The following PRKDC variants were observed in gnomAD, a reference collection of about 807,000 sequenced individuals.
The protein encoded by PRKDC is protein kinase, DNA-activated, catalytic subunit, also known as DNA-dependent protein kinase catalytic subunit.
A neutral mutation model predicts 486.9 loss-of-function variants in PRKDC; 82 were observed. The observed-to-expected ratio is 0.17, with a 90% CI of 0.14 to 0.20. The LOEUF (loss-of-function observed/expected upper bound fraction) is 0.20. Among genes scored for constraint, PRKDC ranks in the 10% least tolerant of loss-of-function variants. The probability of loss-of-function intolerance (pLI) is 1.00; values close to 1 mark genes in which losing one functional copy is unlikely to be tolerated. For synonymous variants in PRKDC, 1,895 were observed against 1,837.0 expected (o/e 1.03, Z -0.81); for missense variants, 4,504 against 5,038.2 (o/e 0.89, Z 3.21).
intron 68 of PRKDC, among the ~76,000 whole-genome samples, chr8:47,811,605 TTA>T (rs1322292477): frequency 2.0e-5 from 3 of 152,218 alleles, no homozygotes; most frequent in African/African-American, 7.2e-5. Context: ...GGTGTTTTCA[TTA>T]TATGTTACTT....
chr8:47,821,251 T>C (rs940773965), intron 65 of PRKDC, among the ~76,000 whole-genome samples: 1 of 152,100 alleles, frequency 6.6e-6, no homozygotes, highest in Non-Finnish European at 1.5e-5. Flanking sequence ...ATAGGTATGG[T>C]GTGGAGAAAA....
rs1244988969 is a variant in PRKDC at position 47,827,614 on chromosome 8, T to C, written c.8577+554A>G. On this transcript the variant is annotated intron_variant, in intron 62 of 85. Coordinates refer to ENST00000314191, the MANE Select transcript of PRKDC (RefSeq NM_006904.7). Reference sequence around the variant, plus strand: ...AAGAGGCACCTGCTTACCTGCTTCATTACTATCTTACACTGCTTTAACACT... The same window carrying C: ...AAGAGGCACCTGCTTACCTGCTTCACTACTATCTTACACTGCTTTAACACT... 4.6e-5 allele frequency among the ~76,000 whole-genome samples: 7 copies of C among 152,242 alleles called. No individual in the cohort carries two copies. In the East Asian group the frequency reaches 7.7e-4, roughly 17 times the overall value.
intron 4 of PRKDC, among the ~76,000 whole-genome samples, chr8:47,954,658 G>A (rs1262813401): frequency 1.3e-5 from 2 of 152,174 alleles, no homozygotes; most frequent in Non-Finnish European, 2.9e-5. Flanking sequence ...GGAATTAGAG[G>A]TTGAGATGGG....
At chr8:47,931,088 T>C (rs2090243089) in intron 16 of PRKDC, among the ~76,000 whole-genome samples, 1 of 152,230 alleles carries the variant, frequency 6.6e-6, no homozygotes, top group Non-Finnish European at 1.5e-5. Flanking sequence ...GATAGAATTT[T>C]AATAGGTGAC....
chr8:47,929,854 T>A lies in PRKDC; in HGVS notation c.2051A>T (p.Glu684Val), dbSNP rs748937634. The change falls in exon 18 of 86, where the codon GAG becomes GTG. Residue 684 changes from glutamate (E) to valine (V), a missense_variant and splice_region_variant. Glu to Val is a moderately radical substitution (Grantham distance 121, BLOSUM62 -2). Transcript: ENST00000314191. ...CAACATCCTGCAAGAAAGACTCACC[T>A]CGAAATATTTTATTTTCTTGGCATT... ...VRNAKKIKYF[E>V]GVSPKSLKHS... 1.3e-6 allele frequency: 2 copies of A among 1,596,162 alleles called. No homozygotes were observed. The highest frequency in any genetic ancestry group is 2.3e-5 in the South Asian group (2 of 85,750).
intron 31 of PRKDC, among the ~76,000 whole-genome samples, chr8:47,891,128 T>G (rs966126905): frequency 9.9e-5 from 15 of 152,112 alleles, no homozygotes; most frequent in African/African-American, 3.6e-4. Context: ...TCATCAGGAC[T>G]CTCCTGCTTA....
At chr8:47,953,995 A>G in intron 5 of PRKDC, 76 bp from the exon 6 acceptor site, 1 of 755,032 alleles carries the variant, frequency 1.3e-6, no homozygotes, top group East Asian at 2.8e-5. Context: ...ATGTATGAAG[A>G]AAATAAAATA....
intron 41 of PRKDC, among the ~76,000 whole-genome samples, chr8:47,864,083 T>G (rs977534216): frequency 2.6e-5 from 4 of 152,136 alleles, no homozygotes; most frequent in Admixed American, 2.6e-4. Flanking sequence ...GGCCTTGTGA[T>G]GAGGAGATTA....
chr8:47,814,304 A>G (rs1465761538), intron 68 of PRKDC, among the ~76,000 whole-genome samples: 1 of 152,246 alleles, frequency 6.6e-6, no homozygotes, highest in Non-Finnish European at 1.5e-5. Flanking sequence ...AACATCAGGA[A>G]TAAAACTAAG....
intron 4 of PRKDC, among the ~76,000 whole-genome samples, chr8:47,955,188 C>T (rs1216843204): frequency 7.6e-5 from 11 of 144,540 alleles, no homozygotes; most frequent in African/African-American, 1.0e-4. Flanking sequence ...ATGGGCCGGG[C>T]GCGGTGGCTC....
chr8:47,930,884 C>T (rs903438262), intron 16 of PRKDC, 97 bp from the exon 17 acceptor site: 1 of 1,192,222 alleles, frequency 8.4e-7, no homozygotes, highest in East Asian at 2.6e-5. Context: ...AGGCCTGATG[C>T]TACGAAGAAA....
At chr8:47,827,289 A>T (rs2087761458) in intron 62 of PRKDC, among the ~76,000 whole-genome samples, 1 of 152,192 alleles carries the variant, frequency 6.6e-6, no homozygotes, top group South Asian at 2.1e-4. Context: ...GTATTAACCA[A>T]TTCGTTTGTA....
intron 7 of PRKDC, among the ~76,000 whole-genome samples, chr8:47,953,306 CA>C (rs984318240): frequency 2.5e-4 from 38 of 151,764 alleles, no homozygotes; most frequent in African/African-American, 8.7e-4. Flanking sequence ...GATTCTGTCT[CA>C]AAAAAAATAA....
At chr8:47,948,073 A>G (rs917360778) in intron 7 of PRKDC, among the ~76,000 whole-genome samples, 6 of 151,186 alleles carry the variant, frequency 4.0e-5, no homozygotes, top group Non-Finnish European at 7.4e-5. Flanking sequence ...ACAAAGTGAG[A>G]CCCTGTCTCA....
chr8:47,880,002 T>C (rs2089177453), intron 38 of PRKDC, among the ~76,000 whole-genome samples: 1 of 152,068 alleles, frequency 6.6e-6, no homozygotes, highest in Admixed American at 6.6e-5. Flanking sequence ...CCTGCCACTA[T>C]GCCTGGCTAA....
At position 47,887,678 on chromosome 8, in the gene PRKDC, T is replaced by G; in HGVS notation, c.4441A>C (p.Thr1481Pro). ...QSTDLHHSVG[T>P]ELLSLVYKGI... ...TTATAAACCAGGGAAAGAAGTTCTG[T>G]GCCAACAGAATGATGCAAATCTGTG... The change falls in exon 35 of 86, where the codon ACA becomes CCA. Residue 1481 changes from threonine to proline, a missense_variant. Transcript: ENST00000314191. 6.2e-7 allele frequency: 1 copy of G among 1,610,400 alleles called. No homozygotes were observed. The highest frequency in any genetic ancestry group is 1.1e-5 in the South Asian group (1 of 89,854).
chr8:47,884,850 T>C (rs1050648032), intron 36 of PRKDC, among the ~76,000 whole-genome samples: 4 of 152,242 alleles, frequency 2.6e-5, no homozygotes, highest in Non-Finnish European at 5.9e-5. Context: ...TATTAAATAC[T>C]GATCTCCAGG....
At chr8:47,797,793 C>T (rs759317959) in intron 73 of PRKDC, among the ~76,000 whole-genome samples, 1 of 152,204 alleles carries the variant, frequency 6.6e-6, no homozygotes, top group Admixed American at 6.5e-5. Flanking sequence ...CACTCATGCT[C>T]CCAGACCCCT....
At chr8:47,904,037 A>C (rs2089729551) in intron 26 of PRKDC, among the ~76,000 whole-genome samples, 1 of 152,068 alleles carries the variant, frequency 6.6e-6, no homozygotes, top group African/African-American at 2.4e-5. Flanking sequence ...ACATAAACTT[A>C]TTTGCACAGG....
Sources: gnomAD v4.1 joint callset for allele counts (sites outside exome capture counted in the v4.1 genomes callset) on GRCh38, gnomAD v4.1.1 for gene constraint, MANE v1.5 for transcripts, NCBI Gene and HGNC (gene_info 2026-07-23, HGNC 2026-07-21) for gene names.